The following DYRK1A variants were observed in gnomAD, a reference collection of about 807,000 sequenced individuals.
DYRK1A encodes dual specificity tyrosine phosphorylation regulated kinase 1A, also known as dual specificity tyrosine-phosphorylation-regulated kinase 1A.
DYRK1A carries 9 observed loss-of-function variants against 79.7 expected under a neutral mutation model. The observed-to-expected ratio is 0.11, with a 90% confidence interval of 0.07 to 0.20. The LOEUF is 0.20. Ranked by LOEUF, DYRK1A falls within the 10% of genes least tolerant of loss-of-function variation. DYRK1A has a pLI of 1.00. For missense variants in DYRK1A, 622 were observed against 956.0 expected (o/e 0.65, Z 4.61); for synonymous variants, 349 against 329.7 (o/e 1.06, Z -0.63).
intron 2 of DYRK1A, among the ~76,000 whole-genome samples, chr21:37,457,682 T>TA (rs2051697678): frequency 6.6e-6 from 1 of 152,234 alleles, no homozygotes; most frequent in South Asian, 2.1e-4. Flanking sequence ...TTTTAAGTAT[T>TA]ATGCTGCAAT....
At chr21:37,503,810 C>G (rs1194147440) in intron 9 of DYRK1A, 6 of 152,160 alleles carry the variant, frequency 3.9e-5, no homozygotes, top group Non-Finnish European at 8.8e-5. Context: ...AATTGTTTAT[C>G]ATAATTTATC....
chr21:37,442,367 A>G (rs2051133761), intron 2 of DYRK1A, among the ~76,000 whole-genome samples: 1 of 151,970 alleles, frequency 6.6e-6, no homozygotes, highest in African/African-American at 2.4e-5. Context: ...TTGTCCCAGA[A>G]CTCAGTGAAT....
intron 1 of DYRK1A, among the ~76,000 whole-genome samples, chr21:37,385,138 G>A (rs1388316754): frequency 6.6e-6 from 1 of 151,966 alleles, no homozygotes; most frequent in Non-Finnish European, 1.5e-5. Flanking sequence ...AGCAGAGCAG[G>A]GACTATGGTA....
At chr21:37,386,772 C>T (rs1013831852) in intron 1 of DYRK1A, among the ~76,000 whole-genome samples, 1 of 152,152 alleles carries the variant, frequency 6.6e-6, no homozygotes, top group Non-Finnish European at 1.5e-5. Flanking sequence ...CTCATTTCCC[C>T]CTTTAGTCAC....
chr21:37,460,276 A>C (rs2051796179), intron 2 of DYRK1A, among the ~76,000 whole-genome samples: 1 of 152,150 alleles, frequency 6.6e-6, no homozygotes, highest in South Asian at 2.1e-4. Flanking sequence ...AAAATCTCCT[A>C]ATGGCAGATT....
intron 2 of DYRK1A, chr21:37,464,336 G>A (rs760491331): frequency 3.0e-5 from 14 of 461,172 alleles, no homozygotes; most frequent in African/African-American, 2.5e-4. Flanking sequence ...ACATAGTAAC[G>A]TGGCTGAAGT....
At chr21:37,377,277 G>GT (rs1386277953) in intron 1 of DYRK1A, among the ~76,000 whole-genome samples, 1 of 151,806 alleles carries the variant, frequency 6.6e-6, no homozygotes, top group African/African-American at 2.4e-5. Flanking sequence ...CTGCCACCAC[G>GT]CCCGGCTAAT....
chr21:37,505,184 G>A (rs1319371189), intron 9 of DYRK1A, 99 bp from the exon 10 acceptor site: 9 of 936,500 alleles, frequency 9.6e-6, no homozygotes, highest in Non-Finnish European at 1.4e-5. Flanking sequence ...TTTAATAAAG[G>A]CCTCAACATA....
At chr21:37,483,921 A>C (rs760300553) in intron 5 of DYRK1A, among the ~76,000 whole-genome samples, 13 of 152,030 alleles carry the variant, frequency 8.6e-5, no homozygotes. Context: ...TGTTAGTCAG[A>C]AGCAGCTTCT....
chr21:37,457,044 A>G (rs1434752080), intron 2 of DYRK1A, among the ~76,000 whole-genome samples: 1 of 42,900 alleles, frequency 2.3e-5, no homozygotes, highest in South Asian at 6.9e-4. Context: ...TTACTTATTT[A>G]TTTATTTATT....
At position 37,523,734 on chromosome 21, in the gene DYRK1A, A is replaced by G. The variant is rs1472956108; in HGVS notation, c.*11203A>G. 6.6e-6 allele frequency: 1 copy of G among 152,204 alleles called. No homozygotes were observed. The highest frequency in any genetic ancestry group is 1.9e-4 in the East Asian group (1 of 5,182). 9.4% of individuals were successfully genotyped at this position (152,204 alleles called of 1,614,324 possible). A position where few individuals can be genotyped will look rare whatever the true frequency, so the allele number is the denominator to read the frequency against. Reference sequence around the variant, plus strand: ...TTACATGGCTGAAAAACATCAAATGATATTTCAGGACATAGGGAAATTATA... The same window carrying G: ...TTACATGGCTGAAAAACATCAAATGGTATTTCAGGACATAGGGAAATTATA... On this transcript the variant is annotated 3_prime_UTR_variant, in exon 12 of 12. Coordinates refer to ENST00000647188, the MANE Select transcript of DYRK1A (RefSeq NM_001347721.2).
intron 1 of DYRK1A, among the ~76,000 whole-genome samples, chr21:37,391,741 C>T (rs985560707): frequency 5.9e-5 from 9 of 152,276 alleles, no homozygotes; most frequent in African/African-American, 1.7e-4. Context: ...TTTATCTTTC[C>T]GTTTTCTTTT....
intron 1 of DYRK1A, among the ~76,000 whole-genome samples, chr21:37,368,394 G>C (rs964051916): frequency 6.6e-6 from 1 of 152,226 alleles, no homozygotes; most frequent in Non-Finnish European, 1.5e-5. Context: ...GAGTAGCTCA[G>C]TACTTGGCGA....
chr21:37,408,601 T>C (rs2050190756), intron 1 of DYRK1A, among the ~76,000 whole-genome samples: 2 of 152,242 alleles, frequency 1.3e-5, no homozygotes, highest in Admixed American at 1.3e-4. Context: ...AGTCATTCTC[T>C]ATAGCAAAAG....
At chr21:37,482,042 T>C (rs2835764) in intron 5 of DYRK1A, among the ~76,000 whole-genome samples, 12,452 of 152,230 alleles carry the variant, frequency 0.082, 1,724 homozygotes, top group African/African-American at 0.28. Context: ...TTTTGACTTT[T>C]CGATGATGAG....
intron 2 of DYRK1A, among the ~76,000 whole-genome samples, chr21:37,426,207 T>C (rs1280124373): frequency 6.6e-6 from 1 of 152,198 alleles, no homozygotes; most frequent in East Asian, 1.9e-4. Context: ...GTCTATATTT[T>C]GGGATCCTTC....
At chr21:37,394,770 AAGTAGTCCCTGGTGCCAAAAAGGTTAT>A (rs1281671769) in intron 1 of DYRK1A, among the ~76,000 whole-genome samples, 1 of 152,218 alleles carries the variant, frequency 6.6e-6, no homozygotes, top group African/African-American at 2.4e-5. Context: ...TCTTCCACAA[AAGTAGTCCCTGGTGCCAAAAAGGTTAT>A]GGGATACTCA....
chr21:37,465,843 A>G (rs2052007674), intron 2 of DYRK1A, among the ~76,000 whole-genome samples: 1 of 152,152 alleles, frequency 6.6e-6, no homozygotes. Context: ...TCTCAGAAAA[A>G]AAAAAGGAAA....
intron 1 of DYRK1A, among the ~76,000 whole-genome samples, chr21:37,390,206 G>A (rs913533022): frequency 1.3e-5 from 2 of 152,108 alleles, no homozygotes; most frequent in Non-Finnish European, 2.9e-5. Flanking sequence ...TGTCTTTGGA[G>A]CTAGGATAGT....
Sources: allele counts gnomAD v4.1 joint callset (sites outside exome capture counted in the v4.1 genomes callset), GRCh38; gene constraint gnomAD v4.1.1; transcripts MANE v1.5; gene names NCBI Gene and HGNC (gene_info 2026-07-23, HGNC 2026-07-21).